Variants in BCL11A observed in about 807,000 individuals in gnomAD.
BCL11A encodes BCL11 transcription factor A.
A neutral mutation model predicts 55.9 loss-of-function variants in BCL11A; 2 were observed. The ratio of observed to expected loss-of-function variants is 0.04; its 90% CI spans 0.01 to 0.11. The LOEUF (loss-of-function observed/expected upper bound fraction) is 0.11. Ranked by LOEUF, BCL11A falls within the 10% of genes least tolerant of loss-of-function variation. BCL11A has a pLI of 1.00. For synonymous variants in BCL11A, 465 were observed against 473.4 expected, an observed-to-expected ratio of 0.98 and a Z score of 0.23; for missense variants, 817 against 1,137.1, an observed-to-expected ratio of 0.72 and a Z score of 4.05.
At chr2:60,488,206 A>G (rs1345026967) in intron 2 of BCL11A, among the ~76,000 whole-genome samples, 1 of 152,212 alleles carries the variant, frequency 6.6e-6, no homozygotes, top group South Asian at 2.1e-4. Flanking sequence ...GAATCTGACT[A>G]TTTCATCAAA....
chr2:60,495,074 G>C (rs1219474310), intron 2 of BCL11A, among the ~76,000 whole-genome samples: 4 of 152,160 alleles, frequency 2.6e-5, no homozygotes, highest in Non-Finnish European at 5.9e-5. Context: ...ACAATTTTGG[G>C]AGTCCACACG....
At chr2:60,493,802 G>C (rs1212288036) in intron 2 of BCL11A, among the ~76,000 whole-genome samples, 1 of 152,156 alleles carries the variant, frequency 6.6e-6, no homozygotes, top group African/African-American at 2.4e-5. Flanking sequence ...CAGTGCTGTG[G>C]ACAGCAAAGC....
At chr2:60,454,715 C>T (rs896929436), downstream of BCL11A, among the ~76,000 whole-genome samples, 10 of 152,074 alleles carry the variant, frequency 6.6e-5, no homozygotes, top group East Asian at 1.9e-4. Context: ...CAGGAAGGCC[C>T]GAAATAATCC....
intron 2 of BCL11A, chr2:60,484,575 T>C (rs527511132): frequency 1.3e-5 from 2 of 152,206 alleles, no homozygotes; most frequent in Admixed American, 6.5e-5. Context: ...TTTTAAATAA[T>C]ATTTCCTATT....
intron 2 of BCL11A, among the ~76,000 whole-genome samples, chr2:60,529,795 G>A (rs933382743): frequency 1.3e-5 from 2 of 152,166 alleles, no homozygotes; most frequent in Non-Finnish European, 2.9e-5. Flanking sequence ...TCAAGTCTAT[G>A]ATGGGAAAAA....
At position 60,457,840 on chromosome 2, in the gene BCL11A, A is replaced by T. The variant is rs1258360409; in HGVS notation, c.*2564T>A. 9.5e-7 allele frequency: 1 copy of T among 1,050,900 alleles called. No individual in the cohort carries two copies. Among genetic ancestry groups the T allele is most frequent in the Non-Finnish European group, 1.1e-6 (1 of 870,156 alleles). 65.1% of individuals were successfully genotyped at this position (1,050,900 alleles called of 1,614,324 possible). On this transcript the variant is annotated 3_prime_UTR_variant, in exon 4 of 4. Coordinates refer to ENST00000642384, the MANE Select transcript of BCL11A (RefSeq NM_022893.4). Reference sequence around the variant, plus strand: ...GTATGGCAGCAGGAAAAAGGAACAAAAAAGGATATGTACAACCCCTATGAC... The same window carrying T: ...GTATGGCAGCAGGAAAAAGGAACAATAAAGGATATGTACAACCCCTATGAC...
Position 60,462,071 on chromosome 2 carries a change from G to T in BCL11A, c.841C>A (p.Arg281Ser). The change falls in exon 4 of 4, where the codon CGC becomes AGC. Residue 281 changes from arginine to serine, a missense_variant. Arg to Ser is a moderately radical substitution (Grantham distance 110). Around this residue, in one of 4 missense-constraint regions of BCL11A, gnomAD observed 363 missense variants for 486.6 expected, o/e 0.75. Transcript: ENST00000642384. ...RHHLDPHRIE[R>S]LGAEEMALAT... ...AGGGCCATCTCTTCCGCCCCCAGGC[G>T]CTCTATGCGGTGGGGGTCCAAGTGA... The T allele has an allele frequency of 6.3e-7, 1 of 1,585,706 alleles. No individual in the cohort carries two copies. The highest frequency in any genetic ancestry group is 1.3e-5 in the African/African-American group (1 of 74,342).
At chr2:60,528,428 T>G (rs1263646296) in intron 2 of BCL11A, 6 of 152,340 alleles carry the variant, frequency 3.9e-5, no homozygotes, top group Admixed American at 2.6e-4. Context: ...AAATGACTAC[T>G]TGCAAAGCAG....
chr2:60,497,789 G>A (rs1012841077), intron 2 of BCL11A, among the ~76,000 whole-genome samples: 1 of 152,084 alleles, frequency 6.6e-6, no homozygotes, highest in Non-Finnish European at 1.5e-5. Context: ...AAAGGACTCA[G>A]TGGCCTCTTT....
chr2:60,499,247 A>AT (rs1679135094), intron 2 of BCL11A, among the ~76,000 whole-genome samples: 1 of 152,116 alleles, frequency 6.6e-6, no homozygotes. Context: ...GCGAGTGGAT[A>AT]GCGCCCTTCC....
intron 2 of BCL11A, among the ~76,000 whole-genome samples, chr2:60,495,152 T>C (rs1482882927): frequency 1.3e-5 from 2 of 152,190 alleles, no homozygotes; most frequent in African/African-American, 4.8e-5. Context: ...CAAGAGAGCC[T>C]TCCGAAAGAG....
intron 2 of BCL11A, among the ~76,000 whole-genome samples, chr2:60,513,781 G>A (rs968512739): frequency 6.6e-6 from 1 of 152,332 alleles, no homozygotes; most frequent in African/African-American, 2.4e-5. Context: ...GCACAGCTGG[G>A]TCAGCACCTA....
intron 2 of BCL11A, among the ~76,000 whole-genome samples, chr2:60,519,458 C>A (rs1668875708): frequency 6.6e-6 from 1 of 152,114 alleles, no homozygotes; most frequent in African/African-American, 2.4e-5. Context: ...GTGTCTATAA[C>A]CTGTAAGGAG....
chr2:60,469,078 G>A (rs1457860647), intron 2 of BCL11A, among the ~76,000 whole-genome samples: 1 of 152,190 alleles, frequency 6.6e-6, no homozygotes, highest in East Asian at 1.9e-4. Context: ...AAAGGGGAGA[G>A]GTGGTCTTTG....
intron 2 of BCL11A, among the ~76,000 whole-genome samples, chr2:60,483,488 T>C (rs1481863303): frequency 6.6e-6 from 1 of 152,254 alleles, no homozygotes; most frequent in African/African-American, 2.4e-5. Flanking sequence ...AGCCCCAGTC[T>C]GTTTCTCTGT....
chr2:60,467,933 ATGG>A (rs1285915651), intron 3 of BCL11A, among the ~76,000 whole-genome samples: 4 of 46,866 alleles, frequency 8.5e-5, no homozygotes, highest in African/African-American at 1.8e-4. Context: ...GGTGGTAGTG[ATGG>A]TGGTGGTGGT....
intron 3 of BCL11A, among the ~76,000 whole-genome samples, chr2:60,462,702 G>A (rs1265076230): frequency 6.6e-6 from 1 of 152,164 alleles, no homozygotes; most frequent in Non-Finnish European, 1.5e-5. Flanking sequence ...GAGGATGAAG[G>A]TCCCTACATT....
intron 2 of BCL11A, chr2:60,541,647 A>G (rs17535596): frequency 0.027 from 9,554 of 352,906 alleles, 186 homozygotes; most frequent in Non-Finnish European, 0.035. Context: ...TAGGCTCCCT[A>G]TGAAAATCCT....
chr2:60,501,499 C>G (rs1012197985), intron 2 of BCL11A, among the ~76,000 whole-genome samples: 5 of 149,436 alleles, frequency 3.3e-5, no homozygotes, highest in African/African-American at 1.0e-4. Context: ...GTACTGACAC[C>G]GCTTTCTTTT....
Sources: gnomAD v4.1 joint callset for allele counts (sites outside exome capture counted in the v4.1 genomes callset) on GRCh38, gnomAD v4.1.1 for gene constraint, gnomAD v4.1.1 regional missense constraint, MANE v1.5 for transcripts, NCBI Gene and HGNC (gene_info 2026-07-23, HGNC 2026-07-21) for gene names.